ITPR1: variants seen among roughly 807,000 people sequenced by gnomAD.
ITPR1 encodes the protein inositol 1,4,5-trisphosphate receptor type 1, also known as inositol 1,4,5-trisphosphate-gated calcium channel ITPR1.
A neutral mutation model predicts 318.4 loss-of-function variants in ITPR1; 96 were observed. The observed-to-expected ratio is 0.30, with a 90% confidence interval of 0.26 to 0.36. ITPR1 has a LOEUF of 0.36. ITPR1 is among the 10% of genes least tolerant of loss of function. The probability of loss-of-function intolerance (pLI) is 1.00; values close to 1 mark genes in which losing one functional copy is unlikely to be tolerated. For synonymous variants in ITPR1, 1,312 were observed against 1,289.9 expected, an observed-to-expected ratio of 1.02 and a Z score of -0.37; for missense variants, 2,440 against 3,460.2, an observed-to-expected ratio of 0.71 and a Z score of 7.40.
intron 44 of ITPR1, chr3:4,750,897 G>A (rs1042552972): frequency 2.0e-5 from 3 of 152,640 alleles, no homozygotes; most frequent in African/African-American, 7.2e-5. Context: ...TTTCTAAGGT[G>A]TGTTTTTTCC....
chr3:4,745,249 T>C (rs1010920510), intron 44 of ITPR1, among the ~76,000 whole-genome samples: 2 of 151,960 alleles, frequency 1.3e-5, no homozygotes, highest in Non-Finnish European at 2.9e-5. Flanking sequence ...AAAGACGTTT[T>C]CTTCCCTAGA....
chr3:4,673,815 C>T (rs1460079208), intron 21 of ITPR1, among the ~76,000 whole-genome samples: 2 of 152,164 alleles, frequency 1.3e-5, no homozygotes, highest in African/African-American at 2.4e-5. Context: ...ATCTCCTGAC[C>T]TTGTGAGCCG....
chr3:4,648,825 T>C (rs909206644), intron 10 of ITPR1, among the ~76,000 whole-genome samples: 1 of 152,204 alleles, frequency 6.6e-6, no homozygotes, highest in Non-Finnish European at 1.5e-5. Flanking sequence ...AGAAAAGTTG[T>C]TTTGTTACAA....
chr3:4,743,573 G>A (rs1298875129), intron 44 of ITPR1, among the ~76,000 whole-genome samples: 3 of 152,180 alleles, frequency 2.0e-5, no homozygotes, highest in African/African-American at 7.2e-5. Flanking sequence ...TCCCTTTGAG[G>A]TGGTCCCAGG....
chr3:4,571,877 C>G (rs1174907970), intron 4 of ITPR1, among the ~76,000 whole-genome samples: 2 of 152,172 alleles, frequency 1.3e-5, no homozygotes. Context: ...GTTTCTCCCC[C>G]TCTGCCCCAC....
rs1189332961 is a variant in ITPR1 at position 4,826,438 on chromosome 3, C to T, written c.8028+8196C>T. Among the ~76,000 whole-genome samples, 2 of 152,156 alleles carry T rather than the reference C, an allele frequency of 1.3e-5. No individual in the cohort carries two copies. The highest frequency in any genetic ancestry group is 6.5e-5 in the Admixed American group (1 of 15,280). On this transcript the variant is annotated intron_variant, in intron 60 of 61. Transcript: ENST00000649015. This position sits in a 1 kb window ranked among gnomAD's most constrained non-coding sequence, Gnocchi z 4.2. ...GAATGCCCCCTGAAGTTAGCTGGCA[C>T]CACGGCAGAGTCAAGAATATCGGAG...
chr3:4,704,034 T>C (rs1171804067), intron 36 of ITPR1, among the ~76,000 whole-genome samples: 2 of 152,150 alleles, frequency 1.3e-5, no homozygotes, highest in Non-Finnish European at 1.5e-5. Flanking sequence ...ACGTTCTCAC[T>C]TAAAGTGGGA....
Position 4,520,923 on chromosome 3 carries a change from A to G in ITPR1, c.93-101A>G, listed in dbSNP as rs2082515221. 5 of 844,046 alleles carry G rather than the reference A, an allele frequency of 5.9e-6. No homozygotes were observed. In the African/African-American group the frequency reaches 6.7e-5, roughly 11 times the overall value. 52.3% of individuals were successfully genotyped at this position (844,046 alleles called of 1,614,324 possible). A position where few individuals can be genotyped will look rare whatever the true frequency, so the allele number is the denominator to read the frequency against. ...TCCTGGCAGGAGAATATGGCAATCT[A>G]AATGTTGCGCAGGAAAAGCCCTGGG... On this transcript the variant is annotated intron_variant, in intron 3 of 61. Coordinates refer to ENST00000649015, the MANE Select transcript of ITPR1 (RefSeq NM_001378452.1).
intron 4 of ITPR1, among the ~76,000 whole-genome samples, chr3:4,584,682 C>G (rs992575800): frequency 6.6e-6 from 1 of 151,970 alleles, no homozygotes; most frequent in African/African-American, 2.4e-5. Context: ...AGTGAAGCTC[C>G]GGAACTCACT....
At chr3:4,637,636 G>C (rs571529082) in intron 5 of ITPR1, among the ~76,000 whole-genome samples, 5 of 152,290 alleles carry the variant, frequency 3.3e-5, no homozygotes, top group African/African-American at 1.2e-4. Flanking sequence ...GTTTTGAATG[G>C]GCTGTTGTTT....
chr3:4,780,063 C>T (rs2046728839), intron 49 of ITPR1, among the ~76,000 whole-genome samples: 1 of 151,910 alleles, frequency 6.6e-6, no homozygotes, highest in African/African-American at 2.4e-5. Flanking sequence ...CATAGCTCTG[C>T]CTGTTTTGCT....
intron 4 of ITPR1, among the ~76,000 whole-genome samples, chr3:4,585,520 T>C (rs1316073231): frequency 1.3e-5 from 2 of 152,132 alleles, no homozygotes; most frequent in Admixed American, 1.3e-4. Flanking sequence ...CACTGCAAAC[T>C]CCACCTCCCA....
intron 7 of ITPR1, among the ~76,000 whole-genome samples, chr3:4,642,941 A>G (rs751438209): frequency 1.3e-5 from 2 of 152,232 alleles, no homozygotes; most frequent in Non-Finnish European, 2.9e-5. Context: ...TTTTTATTGA[A>G]AAATATGCCG....
At chr3:4,790,163 T>A (rs551930833) in intron 52 of ITPR1, among the ~76,000 whole-genome samples, 11 of 152,214 alleles carry the variant, frequency 7.2e-5, no homozygotes, top group African/African-American at 2.7e-4. Context: ...ATCCCTTTTT[T>A]TGAGATAATG....
At chr3:4,590,715 G>A (rs1021219276) in intron 4 of ITPR1, among the ~76,000 whole-genome samples, 1 of 151,888 alleles carries the variant, frequency 6.6e-6, no homozygotes, top group Admixed American at 6.6e-5. Context: ...TTTGGTTTTT[G>A]TGTCTTTTTT....
At chr3:4,586,709 G>T (rs369624537) in intron 4 of ITPR1, among the ~76,000 whole-genome samples, 1 of 145,654 alleles carries the variant, frequency 6.9e-6, no homozygotes, top group African/African-American at 2.6e-5. Context: ...AGGTCTCCCT[G>T]TGTTGCCCAG....
intron 4 of ITPR1, among the ~76,000 whole-genome samples, chr3:4,530,819 C>T (rs567476030): frequency 1.3e-5 from 2 of 152,186 alleles, no homozygotes; most frequent in South Asian, 2.1e-4. Flanking sequence ...TTGTAGTTGA[C>T]TCGTCTTCTC....
intron 38 of ITPR1, 116 bp from the exon 39 acceptor site, chr3:4,711,641 A>G (rs1179080173): frequency 1.5e-6 from 1 of 669,504 alleles, no homozygotes; most frequent in Non-Finnish European, 2.7e-6. Context: ...CTTTAACCTG[A>G]GAGCTCTTAA....
At chr3:4,498,642 AG>A (rs1000531469) in intron 2 of ITPR1, among the ~76,000 whole-genome samples, 2 of 152,230 alleles carry the variant, frequency 1.3e-5, no homozygotes, top group Non-Finnish European at 2.9e-5. Context: ...GGAACTCGAT[AG>A]GGGGTAAAAC....
Sources: gnomAD v4.1 joint callset for allele counts (sites outside exome capture counted in the v4.1 genomes callset) on GRCh38, gnomAD v4.1.1 for gene constraint, Gnocchi (gnomAD v3.1) non-coding constraint, MANE v1.5 for transcripts, NCBI Gene and HGNC (gene_info 2026-07-23, HGNC 2026-07-21) for gene names.